Variants in TENM1 observed in about 807,000 individuals in gnomAD.
The protein encoded by TENM1 is teneurin-1.
A neutral mutation model predicts 174.8 loss-of-function variants in TENM1; 35 were observed. The ratio of observed to expected loss-of-function variants is 0.20; its 90% confidence interval spans 0.15 to 0.27. TENM1 has a LOEUF of 0.27. Among genes scored for constraint, TENM1 ranks in the 10% least tolerant of loss-of-function variants. The probability of loss-of-function intolerance (pLI) is 1.00; values close to 1 mark genes in which losing one functional copy is unlikely to be tolerated. For synonymous variants in TENM1, 781 were observed against 798.7 expected, an observed-to-expected ratio of 0.98 and a Z score of 0.37; for missense variants, 1,633 against 2,130.1, an observed-to-expected ratio of 0.77 and a Z score of 4.59.
In TENM1 at chrX:124,798,522, T is replaced by A. The variant is rs186179919; in HGVS notation, c.536-61325A>T. Among the ~76,000 whole-genome samples, 482 of 111,912 alleles carry A rather than the reference T, an allele frequency of 4.3e-3. 2 individuals carry two copies. Among genetic ancestry groups the A allele is most frequent in the African/African-American group, 0.015 (450 of 30,864 alleles). On this transcript the variant is annotated intron_variant, in intron 3 of 31. Transcript: ENST00000422452. ...AAGTGTCTGTTCATATCCTTCACCC[T>A]CTTTTTGATGGGGTTGTTTTTTTTC...
chrX:125,111,202 C>T, the TENM1 span, among the ~76,000 whole-genome samples: 5 of 111,755 alleles, frequency 4.5e-5, no homozygotes, highest in African/African-American at 1.6e-4. Context: ...AAAATGCAAG[C>T]GGTGCACCTA....
intron 3 of TENM1, among the ~76,000 whole-genome samples, chrX:124,823,645 T>C (rs2056090814): frequency 9.0e-6 from 1 of 110,624 alleles, no homozygotes; most frequent in Non-Finnish European, 1.9e-5. Context: ...ATAGATTTAG[T>C]TTTTCCTCGT....
chrX:124,696,245 T>C (rs1195641011), intron 5 of TENM1, among the ~76,000 whole-genome samples: 5 of 111,874 alleles, frequency 4.5e-5, no homozygotes, highest in Non-Finnish European at 9.4e-5. Context: ...AGCCAAATAG[T>C]TCAAGTAGGT....
chrX:125,163,930 T>C, the TENM1 span, among the ~76,000 whole-genome samples: 5 of 111,914 alleles, frequency 4.5e-5, no homozygotes, highest in East Asian at 1.4e-3. Context: ...TAAAAGGCTG[T>C]ATCGACACAA....
chrX:124,648,002 T>C (rs2051204894), intron 8 of TENM1, among the ~76,000 whole-genome samples: 2 of 111,465 alleles, frequency 1.8e-5, no homozygotes, highest in Admixed American at 1.9e-4. Context: ...GAGTGAGAAT[T>C]TATAATGAGG....
intron 23 of TENM1, among the ~76,000 whole-genome samples, chrX:124,443,527 C>CT (rs2060933602): frequency 9.0e-6 from 1 of 111,728 alleles, no homozygotes; most frequent in African/African-American, 3.3e-5. Context: ...GGGTTTAGAA[C>CT]TTTTTTGTGT....
At chrX:125,029,581 T>C in the TENM1 span, among the ~76,000 whole-genome samples, 1 of 111,752 alleles carries the variant, frequency 8.9e-6, no homozygotes, top group African/African-American at 3.3e-5. Flanking sequence ...ACAAAATCCA[T>C]ATTATTTCTC....
At chrX:125,078,447 T>G in the TENM1 span, among the ~76,000 whole-genome samples, 2 of 111,816 alleles carry the variant, frequency 1.8e-5, no homozygotes, top group African/African-American at 6.5e-5. Context: ...ATATAATTAT[T>G]GTGAACAATA....
chrX:124,924,977 C>T (rs2058072757), intron 1 of TENM1, among the ~76,000 whole-genome samples: 1 of 110,179 alleles, frequency 9.1e-6, no homozygotes. Flanking sequence ...ACCACAAGAA[C>T]AGATAATTGG....
At chrX:125,108,748 GTA>G in the TENM1 span, among the ~76,000 whole-genome samples, 33,970 of 105,409 alleles carry the variant, frequency 0.32, 5,680 homozygotes, top group African/African-American at 0.61. Flanking sequence ...ACACACACGT[GTA>G]TATATATATA....
chrX:124,898,151 T>C (rs961099720), intron 1 of TENM1, among the ~76,000 whole-genome samples: 1 of 111,576 alleles, frequency 9.0e-6, no homozygotes, highest in African/African-American at 3.3e-5. Flanking sequence ...AAAACATAGA[T>C]TGCTGCACCC....
intron 8 of TENM1, among the ~76,000 whole-genome samples, chrX:124,647,252 T>C (rs1009843269): frequency 8.9e-6 from 1 of 112,083 alleles, no homozygotes; most frequent in African/African-American, 3.2e-5. Flanking sequence ...AGCAACTTAT[T>C]TAATCTACTA....
chrX:124,582,650 G>A (rs778719216), intron 11 of TENM1, among the ~76,000 whole-genome samples: 13 of 111,986 alleles, frequency 1.2e-4, no homozygotes, highest in Admixed American at 3.8e-4. Context: ...GAGATACTGG[G>A]TTCATCTCAC....
chrX:124,465,071 C>A (rs753809307), intron 22 of TENM1, among the ~76,000 whole-genome samples: 11 of 111,827 alleles, frequency 9.8e-5, no homozygotes, highest in Non-Finnish European at 1.5e-4. Flanking sequence ...CTGACTGTGA[C>A]TTTAACAAAT....
At chrX:124,822,323 CTG>C (rs777228959) in intron 3 of TENM1, among the ~76,000 whole-genome samples, 51 of 112,438 alleles carry the variant, frequency 4.5e-4, no homozygotes, top group African/African-American at 1.5e-3. Context: ...ACCTCATGGA[CTG>C]TTACATGAAA....
the TENM1 span, among the ~76,000 whole-genome samples, chrX:125,031,867 G>C: frequency 6.3e-5 from 7 of 111,978 alleles, no homozygotes; most frequent in Non-Finnish European, 1.3e-4. Context: ...TGAACTAAGG[G>C]TTAGAAGACA....
At chrX:124,700,762 A>T (rs1191218488) in intron 5 of TENM1, among the ~76,000 whole-genome samples, 1 of 111,752 alleles carries the variant, frequency 8.9e-6, no homozygotes, top group African/African-American at 3.2e-5. Context: ...AGTCCACTTT[A>T]TGTCTTCCCT....
At chrX:125,020,862 A>C in the TENM1 span, among the ~76,000 whole-genome samples, 14 of 111,699 alleles carry the variant, frequency 1.3e-4, no homozygotes, top group African/African-American at 4.5e-4. Context: ...CCTATGTTGT[A>C]AGCTTTTAGC....
At chrX:124,452,060 G>C (rs1190685287) in intron 23 of TENM1, among the ~76,000 whole-genome samples, 1 of 112,182 alleles carries the variant, frequency 8.9e-6, no homozygotes, top group East Asian at 2.8e-4. Context: ...CACAGCAAAA[G>C]AAACTACCAT....
Sources: gnomAD v4.1 joint callset for allele counts (sites outside exome capture counted in the v4.1 genomes callset) on GRCh38, gnomAD v4.1.1 for gene constraint, MANE v1.5 for transcripts, NCBI Gene and HGNC (gene_info 2026-07-23, HGNC 2026-07-21) for gene names.